Variants in GAK observed in about 807,000 individuals in gnomAD.
GAK encodes cyclin-G-associated kinase.
GAK carries 79 observed loss-of-function variants against 143.9 expected under a neutral mutation model. The observed-to-expected ratio is 0.55, with a 90% CI of 0.46 to 0.66. GAK has a LOEUF of 0.66. Among genes scored for constraint, GAK ranks in the 30% least tolerant of loss-of-function variants. The probability of loss-of-function intolerance (pLI) is 0.00; values close to 1 mark genes in which losing one functional copy is unlikely to be tolerated. For synonymous variants in GAK, 881 were observed against 765.5 expected (o/e 1.15, Z -2.49); for missense variants, 1,693 against 1,779.7 (o/e 0.95, Z 0.88).
At chr4:873,648 G>C (rs1165155748) in intron 18 of GAK, among the ~76,000 whole-genome samples, 1 of 152,112 alleles carries the variant, frequency 6.6e-6, no homozygotes, top group Non-Finnish European at 1.5e-5. Context: ...CCCCTGCAAC[G>C]TCACCCGTCA....
chr4:884,932 G>A (rs575344984), intron 11 of GAK, among the ~76,000 whole-genome samples: 40 of 152,038 alleles, frequency 2.6e-4, no homozygotes, highest in Non-Finnish European at 4.6e-4. Context: ...ACACACGACC[G>A]AACCATCGCC....
rs375045923 is a variant in GAK, at chr4:868,625, G to C, written c.2309C>G (p.Ser770Cys). 4 of 1,577,328 alleles carry C rather than the reference G, an allele frequency of 2.5e-6. No homozygotes were observed. Among genetic ancestry groups the C allele is most frequent in the Admixed American group, 1.8e-5 (1 of 54,704 alleles). Residue 770 changes from serine (S) to cysteine (C), a missense_variant, in exon 20 of 28, where the codon TCC becomes TGC. Coordinates refer to ENST00000314167, the MANE Select transcript of GAK (RefSeq NM_005255.4). ...STAQYDAGAG[S>C]PEAEPTDSDS... ...AGAGTCTGTGGGTTCGGCTTCCGGG[G>C]ACCCTGCCCCAGCATCATACTGAGC... is the stretch of plus-strand genomic sequence containing the variant.
intron 10 of GAK, among the ~76,000 whole-genome samples, chr4:889,937 G>C (rs1717313385): frequency 6.6e-6 from 1 of 152,168 alleles, no homozygotes; most frequent in South Asian, 2.1e-4. Flanking sequence ...GCGGCAGAAG[G>C]GGCCACCTCA....
rs1161411344 is a variant in GAK, at chr4:850,056, T to G, written c.3670A>C (p.Ile1224Leu). ...DPLKLKLLDW[I>L]EGKERNIRAL... Reference sequence around the variant, plus strand: ...CGGATGTTCCGCTCCTTGCCCTCAATCCAGTCCAGGAGCTGCGGGAGACAC... The same window carrying G: ...CGGATGTTCCGCTCCTTGCCCTCAAGCCAGTCCAGGAGCTGCGGGAGACAC... Residue 1224 changes from isoleucine to leucine, a missense_variant, in exon 27 of 28, where the codon ATT becomes CTT. Physicochemically the swap from Ile to Leu is conservative, Grantham distance 5. This residue lies in a region of GAK where 822 missense variants were observed against 788.7 expected (regional missense o/e 1.04). Transcript: ENST00000314167. 2 of 1,584,678 alleles carry G rather than the reference T, an allele frequency of 1.3e-6. No individual in the cohort carries two copies. Among genetic ancestry groups the G allele is most frequent in the African/African-American group, 2.7e-5 (2 of 74,204 alleles).
At position 881,862 on chromosome 4, in the gene GAK, C is replaced by G. The variant is rs370065909; in HGVS notation, c.1661+45G>C. On this transcript the variant is annotated intron_variant, in intron 15 of 27. Transcript: ENST00000314167. Reference sequence around the variant, plus strand: ...CCACAGCGGGGGCGGCAGTGCCACACGGGCCCACAGAGCTGTCCCCTGTCC... The same window carrying G: ...CCACAGCGGGGGCGGCAGTGCCACAGGGGCCCACAGAGCTGTCCCCTGTCC... The G allele has an allele frequency of 1.3e-4, 201 of 1,526,358 alleles. No individual in the cohort carries two copies. The African/African-American group carries it at 2.4e-3, about 18-fold the overall frequency. 94.6% of individuals were successfully genotyped at this position (1,526,358 alleles called of 1,614,324 possible). A position where few individuals can be genotyped will look rare whatever the true frequency, so the allele number is the denominator to read the frequency against.
chr4:924,567 C>T lies in GAK; in HGVS notation c.145+7476G>A, dbSNP rs369750235. Among the ~76,000 whole-genome samples the T allele has an allele frequency of 2.3e-4, 35 of 151,896 alleles. 1 individual carries two copies. The highest frequency in any genetic ancestry group is 8.0e-4 in the African/African-American group (33 of 41,240). On this transcript the variant is annotated intron_variant, in intron 1 of 27. Transcript: ENST00000314167. ...TTGGATCTTTATTCATAACAGCGGACACGGTTTGGATCTTTATTCATAACA... is the reference window on the plus strand; with the variant it reads ...TTGGATCTTTATTCATAACAGCGGATACGGTTTGGATCTTTATTCATAACA...
chr4:870,992 C>T, intron 18 of GAK, 88 bp from the exon 19 acceptor site: 1 of 1,194,882 alleles, frequency 8.4e-7, no homozygotes, highest in Non-Finnish European at 1.2e-6. Context: ...TGCATGGAAA[C>T]AGGTGGCAGC....
intron 11 of GAK, among the ~76,000 whole-genome samples, chr4:885,064 A>G (rs1184502652): frequency 6.6e-6 from 1 of 151,954 alleles, no homozygotes; most frequent in Non-Finnish European, 1.5e-5. Flanking sequence ...CCCACCGAGC[A>G]GGTGCTGACT....
At position 867,380 on chromosome 4, in the gene GAK, C is replaced by T; in HGVS notation, c.2448G>A (p.Glu816=). 6.3e-7 allele frequency: 1 copy of T among 1,574,882 alleles called. No individual in the cohort carries two copies. The highest frequency in any genetic ancestry group is 1.7e-4 in the Middle Eastern group (1 of 5,912). The stretch of plus-strand genomic sequence containing the variant: ...CGTCTCTGTCCTCCATCAGGGCAGA[C>T]TCGCTCTCCTTGGAAGAGGCATTTT... The part of the protein sequence containing the change: ...GAENASSKES[E]SALMEDRDES... Residue 816 remains glutamate (E), a synonymous_variant, in exon 21 of 28, where the codon GAG becomes GAA. Transcript: ENST00000314167.
At chr4:921,963 A>G (rs2152966708) in intron 1 of GAK, among the ~76,000 whole-genome samples, 1 of 152,334 alleles carries the variant, frequency 6.6e-6, no homozygotes, top group South Asian at 2.1e-4. Flanking sequence ...ACAAGGAGGT[A>G]TCGCTACACA....
At chr4:884,481 T>C (rs77885950) in intron 11 of GAK, 4,098 of 214,574 alleles carry the variant, frequency 0.019, 371 homozygotes, top group East Asian at 0.19. Context: ...TCACGGGTCA[T>C]GCCAGGCTCC....
intron 11 of GAK, among the ~76,000 whole-genome samples, chr4:884,851 C>G (rs1227816900): frequency 6.6e-6 from 1 of 152,236 alleles, no homozygotes; most frequent in African/African-American, 2.4e-5. Context: ...CTCAGCTAGG[C>G]ACATCGCAGA....
chr4:867,318 G>A lies in GAK; in HGVS notation c.2510C>T (p.Ser837Phe). Residue 837 changes from serine (S) to phenylalanine (F), a missense_variant, in exon 21 of 28, where the codon TCC becomes TTC. Coordinates refer to ENST00000314167, the MANE Select transcript of GAK (RefSeq NM_005255.4). Reference protein sequence around the residue: ...EVSDEGGSPISSEGQEPRADP... With the variant: ...EVSDEGGSPIFSEGQEPRADP... ...GGCCCTGGGTTCCTGGCCCTCGCTG[G>A]AGATCGGGGATCCCCCTTCATCTGA... 1 of 1,611,274 alleles carries A rather than the reference G, an allele frequency of 6.2e-7. No individual in the cohort carries two copies. The highest frequency in any genetic ancestry group is 2.2e-5 in the East Asian group (1 of 44,806).
intron 5 of GAK, among the ~76,000 whole-genome samples, chr4:899,031 G>A (rs1204457520): frequency 1.3e-5 from 2 of 152,180 alleles, no homozygotes; most frequent in South Asian, 2.1e-4. Context: ...GGCTGCACGC[G>A]TGACAAGGCA....
chr4:900,202 TGG>T (rs1719601690), intron 5 of GAK, among the ~76,000 whole-genome samples: 1 of 152,040 alleles, frequency 6.6e-6, no homozygotes, highest in Non-Finnish European at 1.5e-5. Flanking sequence ...GGCAGGCGAG[TGG>T]GGCCACCTGT....
At chr4:914,345 AAC>A (rs1722626305) in intron 1 of GAK, among the ~76,000 whole-genome samples, 1 of 51,306 alleles carries the variant, frequency 1.9e-5, no homozygotes, top group Non-Finnish European at 3.7e-5. Context: ...GCCCCACACA[AAC>A]ACAGCCCCAG....
intron 14 of GAK, 129 bp downstream of exon 14, chr4:882,568 G>A (rs897603530): frequency 1.0e-5 from 12 of 1,198,166 alleles, no homozygotes; most frequent in Admixed American, 2.0e-5. Context: ...CAAGCACAGG[G>A]ACTTTCTTCC....
chr4:866,826 T>C, intron 21 of GAK, 130 bp downstream of exon 21: 3 of 742,114 alleles, frequency 4.0e-6, no homozygotes, highest in Non-Finnish European at 6.6e-6. Flanking sequence ...AGGCTGCTCC[T>C]GGGGGAGGTG....
chr4:921,867 A>C (rs545126355), intron 1 of GAK, among the ~76,000 whole-genome samples: 1 of 152,338 alleles, frequency 6.6e-6, no homozygotes, highest in East Asian at 1.9e-4. Context: ...AAGTGGGCAA[A>C]AGACATGAAC....
Sources: allele counts gnomAD v4.1 joint callset (sites outside exome capture counted in the v4.1 genomes callset), GRCh38; gene constraint gnomAD v4.1.1; regional missense constraint gnomAD v4.1.1; transcripts MANE v1.5; gene names NCBI Gene and HGNC (gene_info 2026-07-23, HGNC 2026-07-21).